The following JPH1 variants were observed in gnomAD, a reference collection of about 807,000 sequenced individuals.
JPH1 encodes the protein junctophilin 1.
A neutral mutation model predicts 53.6 loss-of-function variants in JPH1; 12 were observed. The ratio of observed to expected loss-of-function variants is 0.22; its 90% CI spans 0.14 to 0.36. JPH1 has a LOEUF of 0.36. Among genes scored for constraint, JPH1 ranks in the 10% least tolerant of loss-of-function variants. JPH1 has a pLI of 1.00. For missense variants in JPH1, 808 were observed against 905.5 expected (o/e 0.89, Z 1.38); for synonymous variants, 375 against 363.8 (o/e 1.03, Z -0.35).
chr8:74,310,323 A>G (rs950546990), intron 2 of JPH1, among the ~76,000 whole-genome samples: 1 of 152,032 alleles, frequency 6.6e-6, no homozygotes. Context: ...CCCTTTCTCA[A>G]TCCCAGATGG....
In JPH1 at chr8:74,313,486, A is replaced by G. The variant is rs144269618; in HGVS notation, c.1139+1375T>C. Among the ~76,000 whole-genome samples, 544 of 151,846 alleles carry G rather than the reference A, an allele frequency of 3.6e-3. 1 individual carries two copies. The highest frequency in any genetic ancestry group is 5.1e-3 in the African/African-American group (211 of 41,508). On this transcript the variant is annotated intron_variant, in intron 2 of 5. Coordinates refer to ENST00000342232, the MANE Select transcript of JPH1 (RefSeq NM_020647.4). Reference sequence around the variant, plus strand: ...ACTTTTAATATATAATATAATATATATCTAAAAGTAATGCAAAATATGCAA... The same window carrying G: ...ACTTTTAATATATAATATAATATATGTCTAAAAGTAATGCAAAATATGCAA...
chr8:74,294,872 G>C (rs931308151), intron 2 of JPH1, among the ~76,000 whole-genome samples: 7 of 152,198 alleles, frequency 4.6e-5, no homozygotes, highest in African/African-American at 1.7e-4. Flanking sequence ...AGCTATTGCT[G>C]TTCTTTTCCC....
intron 3 of JPH1, among the ~76,000 whole-genome samples, chr8:74,247,096 A>G (rs1805881525): frequency 6.6e-6 from 1 of 152,200 alleles, no homozygotes; most frequent in Non-Finnish European, 1.5e-5. Flanking sequence ...CTGCTCTTTA[A>G]AACTCATCAG....
chr8:74,258,557 C>T (rs1192445700), intron 3 of JPH1, among the ~76,000 whole-genome samples: 1 of 152,080 alleles, frequency 6.6e-6, no homozygotes, highest in Non-Finnish European at 1.5e-5. Context: ...CATGCATTTT[C>T]CTCTTACTCT....
At chr8:74,255,558 A>G (rs1806196152) in intron 3 of JPH1, among the ~76,000 whole-genome samples, 1 of 152,094 alleles carries the variant, frequency 6.6e-6, no homozygotes, top group Admixed American at 6.5e-5. Context: ...ATCTAATTAA[A>G]CTCAAGAGCT....
At chr8:74,310,999 A>AT (rs1355901926) in intron 2 of JPH1, among the ~76,000 whole-genome samples, 2 of 152,068 alleles carry the variant, frequency 1.3e-5, no homozygotes, top group Non-Finnish European at 2.9e-5. Context: ...CAGATCTGAA[A>AT]TTGGGGGCCT....
At chr8:74,305,882 T>G (rs1407682852) in intron 2 of JPH1, among the ~76,000 whole-genome samples, 1 of 152,232 alleles carries the variant, frequency 6.6e-6, no homozygotes, top group Non-Finnish European at 1.5e-5. Context: ...GGCCTAAGAC[T>G]AATTTTCATT....
Position 74,253,054 on chromosome 8 carries a change from T to C in JPH1, c.1258+6331A>G, listed in dbSNP as rs1428283888. On this transcript the variant is annotated intron_variant, in intron 3 of 5. Coordinates refer to ENST00000342232, the MANE Select transcript of JPH1 (RefSeq NM_020647.4). ...GCACCAAGCAGATCTAATAGACATC[T>C]ACAGAACTCTCCACCCCAAATCAAC... is the stretch of plus-strand genomic sequence containing the variant. Among the ~76,000 whole-genome samples the C allele has an allele frequency of 2.0e-5, 3 of 152,100 alleles. No homozygotes were observed. The East Asian group carries it at 5.8e-4, about 29-fold the overall frequency.
At chr8:74,301,119 A>G (rs1416825865) in intron 2 of JPH1, among the ~76,000 whole-genome samples, 1 of 152,156 alleles carries the variant, frequency 6.6e-6, no homozygotes, top group Non-Finnish European at 1.5e-5. Context: ...CTTGCAGTCC[A>G]TCAAGTCCTG....
chr8:74,321,333 G>T lies in JPH1; in HGVS notation c.-46C>A. 1.4e-6 allele frequency: 2 copies of T among 1,465,430 alleles called. No homozygotes were observed. The highest frequency in any genetic ancestry group is 1.8e-6 in the Non-Finnish European group (2 of 1,109,456). 90.8% of individuals were successfully genotyped at this position (1,465,430 alleles called of 1,614,324 possible). ...GCTCCCCGCAGGGGCACGGACGCGGGCAGTGCTGGGCACGGCAGGGTGTAG... is the reference window on the plus strand; with the variant it reads ...GCTCCCCGCAGGGGCACGGACGCGGTCAGTGCTGGGCACGGCAGGGTGTAG... On this transcript the variant is annotated 5_prime_UTR_variant, in exon 1 of 6. Transcript: ENST00000342232. This position sits in a 1 kb window ranked among gnomAD's most constrained non-coding sequence, Gnocchi z 4.3.
At chr8:74,266,062 G>A (rs1394896626) in intron 2 of JPH1, among the ~76,000 whole-genome samples, 1 of 151,730 alleles carries the variant, frequency 6.6e-6, no homozygotes, top group Non-Finnish European at 1.5e-5. Flanking sequence ...CAGTATGGTG[G>A]TTCCTAAAAA....
intron 1 of JPH1, among the ~76,000 whole-genome samples, chr8:74,319,813 A>C (rs1276856923): frequency 6.6e-6 from 1 of 152,236 alleles, no homozygotes; most frequent in East Asian, 1.9e-4. Context: ...AAATATGATT[A>C]TGTTTATCAG....
intron 4 of JPH1, among the ~76,000 whole-genome samples, chr8:74,242,002 G>A (rs1240968779): frequency 3.9e-5 from 6 of 152,108 alleles, no homozygotes; most frequent in African/African-American, 7.2e-5. Context: ...CATTGAATGC[G>A]TGCCCCTAGG....
Position 74,315,637 on chromosome 8 carries a change from G to T in JPH1, c.380-17C>A. ...GGTAGGTACCTTGGAGAGACCGCAA[G>T]AAAGCACCGTGAGTCGGGGGCAGAG... On this transcript the variant is annotated splice_polypyrimidine_tract_variant and intron_variant, in intron 1 of 5. Transcript: ENST00000342232. This position sits in a 1 kb window ranked among gnomAD's most constrained non-coding sequence, Gnocchi z 6.3. The T allele has an allele frequency of 6.3e-7, 1 of 1,577,992 alleles. No individual in the cohort carries two copies.
Position 74,321,246 on chromosome 8 carries a change from G to A in JPH1, c.42C>T (p.Tyr14=). The A allele has an allele frequency of 2.5e-6, 4 of 1,604,980 alleles. No individual in the cohort carries two copies. The highest frequency in any genetic ancestry group is 3.4e-6 in the Non-Finnish European group (4 of 1,175,930). ...GRFDFDDGGT[Y]CGGWEEGKAH... ...CCTTGCCCTCCTCCCAGCCGCCGCAGTAGGTGCCGCCATCGTCGAAGTCGA... is the reference window on the plus strand; with the variant it reads ...CCTTGCCCTCCTCCCAGCCGCCGCAATAGGTGCCGCCATCGTCGAAGTCGA... The change falls in exon 1 of 6, where the codon TAC becomes TAT. Residue 14 remains tyrosine, a synonymous_variant. Coordinates refer to ENST00000342232, the MANE Select transcript of JPH1 (RefSeq NM_020647.4). The surrounding 1 kb of genome is among the most constrained non-coding windows in gnomAD (Gnocchi z 4.3).
intron 2 of JPH1, among the ~76,000 whole-genome samples, chr8:74,271,132 T>A (rs1229847544): frequency 6.7e-6 from 1 of 149,894 alleles, no homozygotes; most frequent in East Asian, 2.0e-4. Context: ...ATTTAGGACG[T>A]CATTTCCACG....
intron 2 of JPH1, among the ~76,000 whole-genome samples, chr8:74,279,350 A>G (rs1220171975): frequency 6.6e-6 from 1 of 152,182 alleles, no homozygotes; most frequent in Non-Finnish European, 1.5e-5. Flanking sequence ...GTAAATTGGG[A>G]AGTGGAGCAG....
Position 74,320,784 on chromosome 8 carries a change from GC to G in JPH1, c.379+124del. ...GGGCGCGGGCGCGGGGGTGGGAGGC[GC>G]CCCCAGGTGTTTTGGCGGGTTTCCG... On this transcript the variant is annotated intron_variant, in intron 1 of 5. Transcript: ENST00000342232. The surrounding 1 kb of genome is among the most constrained non-coding windows in gnomAD (Gnocchi z 4.4). 8.5e-7 allele frequency: 1 copy of G among 1,172,318 alleles called. No individual in the cohort carries two copies. The highest frequency in any genetic ancestry group is 1.1e-6 in the Non-Finnish European group (1 of 890,658). 72.6% of individuals were successfully genotyped at this position (1,172,318 alleles called of 1,614,324 possible).
At chr8:74,307,374 G>T (rs1807869379) in intron 2 of JPH1, among the ~76,000 whole-genome samples, 1 of 152,188 alleles carries the variant, frequency 6.6e-6, no homozygotes, top group African/African-American at 2.4e-5. Flanking sequence ...GGTAATAATT[G>T]CTCCCTGTTC....
Sources: gnomAD v4.1 joint callset for allele counts (sites outside exome capture counted in the v4.1 genomes callset) on GRCh38, gnomAD v4.1.1 for gene constraint, Gnocchi (gnomAD v3.1) non-coding constraint, MANE v1.5 for transcripts, NCBI Gene and HGNC (gene_info 2026-07-23, HGNC 2026-07-21) for gene names.